The following UBE2V2 variants were observed in gnomAD, a reference collection of about 807,000 sequenced individuals.
The protein encoded by UBE2V2 is ubiquitin-conjugating enzyme E2 variant 2.
A neutral mutation model predicts 17.2 loss-of-function variants in UBE2V2; 9 were observed. The ratio of observed to expected loss-of-function variants is 0.52; its 90% confidence interval spans 0.32 to 0.91. The LOEUF is 0.91. UBE2V2 is among the 40% of genes least tolerant of loss of function. The pLI is 0.04. For missense variants in UBE2V2, 133 were observed against 182.6 expected (o/e 0.73, Z 1.56); for synonymous variants, 61 against 57.5 (o/e 1.06, Z -0.28).
intron 1 of UBE2V2, among the ~76,000 whole-genome samples, chr8:48,019,312 C>A (rs951527047): frequency 6.6e-6 from 1 of 151,862 alleles, no homozygotes; most frequent in African/African-American, 2.4e-5. Context: ...TGCAGTAAGC[C>A]GAGATCACGG....
rs555576885 is a variant in UBE2V2 at position 48,010,683 on chromosome 8, C to T, written c.16+2213C>T. 2.4e-3 allele frequency among the ~76,000 whole-genome samples: 329 copies of T among 138,978 alleles called. 8 individuals carry two copies. The highest frequency in any genetic ancestry group is 0.019 in the Admixed American group (255 of 13,676). 91.2% of individuals were successfully genotyped at this position (138,978 alleles called of 152,430 possible). On this transcript the variant is annotated intron_variant, in intron 1 of 3. Transcript: ENST00000523111. ...CTGGGATTACAGGTGTGAGCCACTG[C>T]GCCTGGGTTTGTTTGTTTTTTTTTT...
chr8:48,059,676 G>A (rs1288618329), intron 3 of UBE2V2, among the ~76,000 whole-genome samples: 1 of 152,126 alleles, frequency 6.6e-6, no homozygotes, highest in Non-Finnish European at 1.5e-5. Flanking sequence ...CTCCCAAAAC[G>A]TTGGGATTAC....
At chr8:48,008,417 G>C, upstream of UBE2V2, 1 of 1,559,150 alleles carries the variant, frequency 6.4e-7, no homozygotes, top group African/African-American at 1.4e-5. Flanking sequence ...GACGGTTCGT[G>C]CGTGCGTGCG....
intron 1 of UBE2V2, among the ~76,000 whole-genome samples, chr8:48,040,133 C>CAAA (rs543008926): frequency 1.5e-3 from 234 of 151,460 alleles, no homozygotes; most frequent in African/African-American, 5.4e-3. Context: ...TCATGCAGAT[C>CAAA]CATCAAATGT....
At chr8:48,022,097 T>C (rs1431823212) in intron 1 of UBE2V2, among the ~76,000 whole-genome samples, 1 of 152,072 alleles carries the variant, frequency 6.6e-6, no homozygotes, top group Non-Finnish European at 1.5e-5. Context: ...CTTTATACTT[T>C]TACCCTACTC....
chr8:48,018,629 C>G (rs1047201530), intron 1 of UBE2V2, among the ~76,000 whole-genome samples: 1 of 152,136 alleles, frequency 6.6e-6, no homozygotes, highest in Admixed American at 6.6e-5. Flanking sequence ...TATTATGCCA[C>G]TGTTGAATGG....
rs1387498533 is a variant in UBE2V2, at chr8:48,064,338, A to T, written c.*3510A>T. ...TTTAATTATTGTCACACACACACAA[A>T]ATTCAACTCCTCAAGGTTTGGGAAA... On this transcript the variant is annotated 3_prime_UTR_variant, in exon 4 of 4. Coordinates refer to ENST00000523111, the MANE Select transcript of UBE2V2 (RefSeq NM_003350.3). The T allele has an allele frequency of 3.3e-5, 5 of 152,180 alleles. No homozygotes were observed. Among genetic ancestry groups the T allele is most frequent in the Non-Finnish European group, 4.4e-5 (3 of 68,034 alleles). 9.4% of individuals were successfully genotyped at this position (152,180 alleles called of 1,614,324 possible).
At chr8:48,050,227 CT>C (rs1046009408) in intron 3 of UBE2V2, 18 of 221,708 alleles carry the variant, frequency 8.1e-5, no homozygotes, top group Non-Finnish European at 1.1e-4. Flanking sequence ...GTGGTTAAAA[CT>C]TTTTTTTTCT....
intron 2 of UBE2V2, chr8:48,049,590 A>T (rs2091521573): frequency 4.2e-6 from 1 of 236,330 alleles, no homozygotes; most frequent in Admixed American, 5.5e-5. Context: ...GCAACTTGGG[A>T]TCATATTGAT....
chr8:48,017,931 C>T (rs2154506867), intron 1 of UBE2V2, among the ~76,000 whole-genome samples: 1 of 151,234 alleles, frequency 6.6e-6, no homozygotes, highest in Non-Finnish European at 1.5e-5. Flanking sequence ...GCTGCAGCCT[C>T]AACTTCCCAG....
rs554677180 is a variant in UBE2V2, at chr8:48,062,069, C to T, written c.*1241C>T. 8 of 152,256 alleles carry T rather than the reference C, an allele frequency of 5.3e-5. No homozygotes were observed. Among genetic ancestry groups the T allele is most frequent in the South Asian group, 2.1e-4 (1 of 4,828 alleles). The allele number at this position is 152,256 out of a possible 1,614,324, so 9.4% of individuals were successfully genotyped here. ...TGAAGTTGAAAAGTCATTTATGTTC[C>T]GCTTTCACCAAAGTGACGTGAGGCT... is the stretch of plus-strand genomic sequence containing the variant. On this transcript the variant is annotated 3_prime_UTR_variant, in exon 4 of 4. Coordinates refer to ENST00000523111, the MANE Select transcript of UBE2V2 (RefSeq NM_003350.3).
chr8:48,051,021 A>AT (rs1384092622), intron 3 of UBE2V2, among the ~76,000 whole-genome samples: 1 of 151,946 alleles, frequency 6.6e-6, no homozygotes, highest in Non-Finnish European at 1.5e-5. Flanking sequence ...TAATTTTTGT[A>AT]TTTTTTGGTA....
intron 1 of UBE2V2, among the ~76,000 whole-genome samples, chr8:48,020,512 A>G (rs2091297845): frequency 6.6e-6 from 1 of 152,190 alleles, no homozygotes; most frequent in Non-Finnish European, 1.5e-5. Flanking sequence ...AATTATTGAT[A>G]GATGAGTTAA....
intron 1 of UBE2V2, among the ~76,000 whole-genome samples, chr8:48,038,926 T>G (rs2091442654): frequency 6.7e-6 from 1 of 149,780 alleles, no homozygotes; most frequent in Admixed American, 6.7e-5. Flanking sequence ...CCAATAATCC[T>G]GATTTTTTTT....
At chr8:48,025,808 G>C (rs977032733) in intron 1 of UBE2V2, among the ~76,000 whole-genome samples, 2 of 150,848 alleles carry the variant, frequency 1.3e-5, no homozygotes, top group Admixed American at 1.3e-4. Flanking sequence ...CTCCGTGTTA[G>C]CCAGGATGGT....
At chr8:48,034,575 CT>C (rs74511157) in intron 1 of UBE2V2, among the ~76,000 whole-genome samples, 1,560 of 141,764 alleles carry the variant, frequency 0.011, 30 homozygotes, top group African/African-American at 0.036. Flanking sequence ...CCCACCCCCC[CT>C]TTTTTTTTAA....
intron 1 of UBE2V2, among the ~76,000 whole-genome samples, chr8:48,009,190 A>G (rs1183385062): frequency 6.6e-6 from 1 of 152,108 alleles, no homozygotes; most frequent in Non-Finnish European, 1.5e-5. Flanking sequence ...AGACCATTTC[A>G]GAAATGTTAA....
intron 2 of UBE2V2, 33 bp downstream of exon 2, chr8:48,043,214 TA>T (rs778798855): frequency 4.4e-6 from 6 of 1,379,192 alleles, no homozygotes; most frequent in Non-Finnish European, 5.7e-6. Context: ...TTTCTATTAA[TA>T]CTTATTGTTA....
chr8:48,055,349 G>A (rs574347674), intron 3 of UBE2V2, among the ~76,000 whole-genome samples: 1 of 151,720 alleles, frequency 6.6e-6, no homozygotes, highest in African/African-American at 2.4e-5. Context: ...ACAGGCGCCC[G>A]CCAACATGAC....
Sources: gnomAD v4.1 joint callset for allele counts (sites outside exome capture counted in the v4.1 genomes callset) on GRCh38, gnomAD v4.1.1 for gene constraint, MANE v1.5 for transcripts, NCBI Gene and HGNC (gene_info 2026-07-23, HGNC 2026-07-21) for gene names.